The following HMCN1 variants were observed in gnomAD, a reference collection of about 807,000 sequenced individuals.
HMCN1 encodes hemicentin-1.
A neutral mutation model predicts 625.9 loss-of-function variants in HMCN1; 321 were observed. That is an observed-to-expected ratio of 0.51 (90% confidence interval 0.47 to 0.56). The LOEUF is 0.56. HMCN1 is among the 20% of genes least tolerant of loss of function. The pLI, the probability that HMCN1 is intolerant of heterozygous loss-of-function variation, is 0.00. For missense variants in HMCN1, 6,588 were observed against 6,887.3 expected (o/e 0.96, Z 1.54); for synonymous variants, 2,425 against 2,417.6 (o/e 1.00, Z -0.09).
chr1:186,016,864 C>T, intron 32 of HMCN1, 99 bp from the exon 33 acceptor site: 1 of 763,600 alleles, frequency 1.3e-6, no homozygotes. Context: ...ACTATGATAC[C>T]TATCAATCTT....
At chr1:185,738,589 G>T (rs913794080) in intron 1 of HMCN1, among the ~76,000 whole-genome samples, 4 of 152,128 alleles carry the variant, frequency 2.6e-5, no homozygotes, top group African/African-American at 9.7e-5. Flanking sequence ...CAGTGGAATT[G>T]CTGGGTCATA....
At chr1:185,977,000 C>T (rs1651260900) in intron 15 of HMCN1, among the ~76,000 whole-genome samples, 1 of 151,946 alleles carries the variant, frequency 6.6e-6, no homozygotes, top group African/African-American at 2.4e-5. Flanking sequence ...CAGTATCCTC[C>T]CTAAACAGGA....
chr1:185,975,703 A>G (rs1651157810), intron 15 of HMCN1, among the ~76,000 whole-genome samples: 1 of 152,204 alleles, frequency 6.6e-6, no homozygotes, highest in Non-Finnish European at 1.5e-5. Flanking sequence ...AAATTTCCAT[A>G]TAGATGGATT....
intron 1 of HMCN1, among the ~76,000 whole-genome samples, chr1:185,741,199 C>G (rs115989448): frequency 1.3e-5 from 2 of 152,052 alleles, no homozygotes; most frequent in East Asian, 3.9e-4. Context: ...CAGAATCATA[C>G]GCCCAATATG....
chr1:185,997,190 T>C (rs1311222849), intron 24 of HMCN1, among the ~76,000 whole-genome samples: 6 of 152,054 alleles, frequency 3.9e-5, no homozygotes, highest in African/African-American at 1.4e-4. Context: ...ATTGAGGGAA[T>C]AAGGGAACAG....
At chr1:186,083,318 G>A (rs1195496592) in intron 57 of HMCN1, among the ~76,000 whole-genome samples, 3 of 151,860 alleles carry the variant, frequency 2.0e-5, no homozygotes, top group Non-Finnish European at 4.4e-5. Flanking sequence ...ATTGGAATTG[G>A]TTTCTGTCCT....
chr1:185,965,968 T>A (rs529086279), intron 14 of HMCN1, 53 bp downstream of exon 14: 105 of 1,110,342 alleles, frequency 9.5e-5, no homozygotes, highest in South Asian at 2.8e-4. Context: ...GTTTTCTTTT[T>A]AAAAAAAATG....
chr1:185,778,093 C>T (rs1656752029), intron 1 of HMCN1, among the ~76,000 whole-genome samples: 1 of 152,146 alleles, frequency 6.6e-6, no homozygotes, highest in Non-Finnish European at 1.5e-5. Context: ...CTTCCAGAGT[C>T]AAGATGAACT....
At chr1:186,127,005 A>G (rs1661678097) in intron 82 of HMCN1, among the ~76,000 whole-genome samples, 1 of 152,076 alleles carries the variant, frequency 6.6e-6, no homozygotes. Context: ...AGAAGAGACA[A>G]GAAGTAAGAC....
intron 4 of HMCN1, among the ~76,000 whole-genome samples, chr1:185,894,387 A>C (rs1000570829): frequency 5.3e-5 from 8 of 152,186 alleles, no homozygotes; most frequent in African/African-American, 1.9e-4. Flanking sequence ...CTATTTCTCC[A>C]TTCCACTGTT....
intron 81 of HMCN1, among the ~76,000 whole-genome samples, chr1:186,124,619 A>ATGTT (rs1327590817): frequency 2.0e-5 from 3 of 152,184 alleles, no homozygotes; most frequent in Non-Finnish European, 4.4e-5. Context: ...TATTTATATA[A>ATGTT]TGTTTGTATA....
intron 6 of HMCN1, among the ~76,000 whole-genome samples, chr1:185,916,569 T>C (rs1198673667): frequency 4.6e-5 from 7 of 152,226 alleles, no homozygotes; most frequent in Non-Finnish European, 1.0e-4. Context: ...GTATCTTTAC[T>C]TTCTTTTAAT....
At chr1:186,022,164 T>C (rs546818245) in intron 35 of HMCN1, among the ~76,000 whole-genome samples, 10 of 152,214 alleles carry the variant, frequency 6.6e-5, no homozygotes, top group South Asian at 6.2e-4. Flanking sequence ...CATGTAGAGC[T>C]CAGGAGAGAC....
At position 186,119,210 on chromosome 1, in the gene HMCN1, C is replaced by T. The variant is rs775199858; in HGVS notation, c.11868C>T (p.Ala3956=). 11 of 1,613,382 alleles carry T rather than the reference C, an allele frequency of 6.8e-6. No homozygotes were observed. The East Asian group carries it at 8.9e-5, about 13-fold the overall frequency. ...TTTTAGGAGCAATTGAAATACTTGC[C>T]ACCCAATTAAACCATGCTGGAAGAT... ...ILSSGAIEIL[A]TQLNHAGRYT... is the part of the protein sequence containing the mutation. The change falls in exon 78 of 107, where the codon GCC becomes GCT. Residue 3956 remains alanine, a synonymous_variant. Coordinates refer to ENST00000271588, the MANE Select transcript of HMCN1 (RefSeq NM_031935.3).
At chr1:186,042,139 T>G (rs1656251000) in intron 40 of HMCN1, among the ~76,000 whole-genome samples, 1 of 152,200 alleles carries the variant, frequency 6.6e-6, no homozygotes. Context: ...CAAAGGGTTC[T>G]CTATGTTCCC....
At chr1:185,903,776 C>G (rs1387417641) in intron 4 of HMCN1, among the ~76,000 whole-genome samples, 1 of 151,784 alleles carries the variant, frequency 6.6e-6, no homozygotes, top group Non-Finnish European at 1.5e-5. Context: ...ACTAACCAAA[C>G]TTAGAGGAGT....
At position 186,128,070 on chromosome 1, in the gene HMCN1, A is replaced by C. The variant is rs1661735418; in HGVS notation, c.12691-8A>C. On this transcript the variant is annotated splice_region_variant and splice_polypyrimidine_tract_variant and intron_variant, in intron 82 of 106. Transcript: ENST00000271588. ...TGAAATTTTAAATGTTACTTTTTTT[A>C]ATTTTAGCTGGAGGATTCTGGCTTC... is the stretch of plus-strand genomic sequence containing the variant. 2 of 1,611,802 alleles carry C rather than the reference A, an allele frequency of 1.2e-6. No individual in the cohort carries two copies. Among genetic ancestry groups the C allele is most frequent in the African/African-American group, 1.3e-5 (1 of 74,818 alleles).
intron 1 of HMCN1, among the ~76,000 whole-genome samples, chr1:185,738,252 G>GAAC (rs925140316): frequency 2.0e-5 from 3 of 152,122 alleles, no homozygotes; most frequent in African/African-American, 7.2e-5. Flanking sequence ...GTCCATTGTA[G>GAAC]AACATCTTCA....
chr1:186,062,513 G>GTACCACCTC lies in HMCN1; in HGVS notation c.7427_7435dup (p.Pro2478_His2479insLeuProPro). 6.3e-7 allele frequency: 1 copy of GTACCACCTC among 1,590,164 alleles called. No homozygotes were observed. The highest frequency in any genetic ancestry group is 8.6e-7 in the Non-Finnish European group (1 of 1,158,550). On this transcript the variant is annotated inframe_insertion and splice_region_variant. Transcript: ENST00000271588. ...ATTTTGTTGTTGTTGTTGTTTTTTA[G>GTACCACCTC]TACCACCTCATATTGTGGGTGAAAA...
Sources: gnomAD v4.1 joint callset for allele counts (sites outside exome capture counted in the v4.1 genomes callset) on GRCh38, gnomAD v4.1.1 for gene constraint, MANE v1.5 for transcripts, NCBI Gene and HGNC (gene_info 2026-07-23, HGNC 2026-07-21) for gene names.